The following LMO3 variants were observed in gnomAD, a reference collection of about 807,000 sequenced individuals.
LMO3 encodes LIM domain only 3.
LMO3 carries 2 observed loss-of-function variants against 15.8 expected under a neutral mutation model. The observed-to-expected ratio is 0.13, with a 90% CI of 0.05 to 0.40. LMO3 has a LOEUF of 0.40. LMO3 is among the 10% of genes least tolerant of loss of function. The probability of loss-of-function intolerance (pLI) is 0.99; values close to 1 mark genes in which losing one functional copy is unlikely to be tolerated. For missense variants in LMO3, 86 were observed against 182.2 expected (o/e 0.47, Z 3.04); for synonymous variants, 62 against 63.8 (o/e 0.97, Z 0.13).
chr12:16,594,415 A>G, intron 2 of LMO3: 1 of 567,786 alleles, frequency 1.8e-6, no homozygotes, highest in Non-Finnish European at 2.9e-6. Flanking sequence ...ATACCTAGCA[A>G]ATTGAACAGA....
chr12:16,561,625 C>CA (rs1491134853), intron 2 of LMO3, among the ~76,000 whole-genome samples: 1 of 152,194 alleles, frequency 6.6e-6, no homozygotes, highest in Non-Finnish European at 1.5e-5. Context: ...AAGGATTAGG[C>CA]ACAAATGTGC....
upstream of LMO3, among the ~76,000 whole-genome samples, chr12:16,609,558 G>A (rs574930043): frequency 1.1e-4 from 16 of 152,086 alleles, no homozygotes; most frequent in South Asian, 3.3e-3. Context: ...GACGTTTGAT[G>A]AGAGAATTTA....
intron 1 of LMO3, chr12:16,601,932 T>C (rs1943836322): frequency 6.6e-6 from 1 of 152,196 alleles, no homozygotes; most frequent in Non-Finnish European, 1.5e-5. Flanking sequence ...CAATGCCTCA[T>C]ATTTATCAAA....
At chr12:16,568,451 A>C (rs531802963) in intron 2 of LMO3, among the ~76,000 whole-genome samples, 102 of 152,270 alleles carry the variant, frequency 6.7e-4, no homozygotes, top group Admixed American at 2.3e-3. Flanking sequence ...CAAGCTAAGT[A>C]CCCATTCACT....
chr12:16,561,632 G>A (rs1390325718), intron 2 of LMO3, among the ~76,000 whole-genome samples: 1 of 152,206 alleles, frequency 6.6e-6, no homozygotes, highest in Non-Finnish European at 1.5e-5. Context: ...AGGCACAAAT[G>A]TGCTGAAGTC....
chr12:16,563,303 G>A (rs1018574473), intron 2 of LMO3, among the ~76,000 whole-genome samples: 1 of 152,050 alleles, frequency 6.6e-6, no homozygotes, highest in Admixed American at 6.6e-5. Flanking sequence ...CTACATTCGA[G>A]TTCTCTTTTT....
In LMO3 at chr12:16,598,447, A is replaced by C. The variant is rs1327403619; in HGVS notation, c.206+2208T>G. 6.6e-6 allele frequency: 1 copy of C among 152,128 alleles called. No individual in the cohort carries two copies. Among genetic ancestry groups the C allele is most frequent in the African/African-American group, 2.4e-5 (1 of 41,438 alleles). The allele number at this position is 152,128 out of a possible 1,614,324, so 9.4% of individuals were successfully genotyped here. ...ACAACTGGCCATTAATGTGGTAATG[A>C]CCAATTTAAGCGGAAATCGTACTCT... On this transcript the variant is annotated intron_variant, in intron 2 of 3. Coordinates refer to ENST00000537304, the MANE Select transcript of LMO3 (RefSeq NM_018640.5). This position sits in a 1 kb window ranked among gnomAD's most constrained non-coding sequence, Gnocchi z 4.3.
intron 3 of LMO3, among the ~76,000 whole-genome samples, chr12:16,556,430 C>T (rs1354085063): frequency 2.1e-5 from 3 of 143,728 alleles, no homozygotes; most frequent in African/African-American, 9.0e-5. Context: ...ATATAAGGGA[C>T]AATCAATCCT....
Position 16,600,766 on chromosome 12 carries a change from T to C in LMO3, c.95A>G (p.Tyr32Cys). 6.2e-7 allele frequency: 1 copy of C among 1,614,158 alleles called. No individual in the cohort carries two copies. The highest frequency in any genetic ancestry group is 1.1e-5 in the South Asian group (1 of 91,078). The stretch of plus-strand genomic sequence containing the variant: ...ACACTTCAGGCAGTCTTCATGCCAG[T>C]ATTTGTCCAGTGCCTTTAGAAGATA... ...DRYLLKALDKYWHEDCLKCAC... is the reference protein window; with the variant it reads ...DRYLLKALDKCWHEDCLKCAC... The change falls in exon 2 of 4, where the codon TAC becomes TGC. Residue 32 changes from tyrosine (Y) to cysteine (C), a missense_variant. Tyr to Cys is a radical substitution (Grantham distance 194). Coordinates refer to ENST00000537304, the MANE Select transcript of LMO3 (RefSeq NM_018640.5).
chr12:16,587,367 AC>A lies in LMO3; in HGVS notation c.206+13287del, dbSNP rs965208494. Among the ~76,000 whole-genome samples, 1 of 152,170 alleles carries A rather than the reference AC, an allele frequency of 6.6e-6. No homozygotes were observed. The highest frequency in any genetic ancestry group is 1.5e-5 in the Non-Finnish European group (1 of 68,022). Reference sequence around the variant, plus strand: ...TTAAAAATTCCAAAGCATTCTTAAAACGTTTCACTTAAACATTTCTGCAATA... The same window carrying A: ...TTAAAAATTCCAAAGCATTCTTAAAAGTTTCACTTAAACATTTCTGCAATA... On this transcript the variant is annotated intron_variant, in intron 2 of 3. Transcript: ENST00000537304. This position sits in a 1 kb window ranked among gnomAD's most constrained non-coding sequence, Gnocchi z 4.3.
Position 16,548,597 on chromosome 12 carries a change from A to G in LMO3, c.*2625T>C, listed in dbSNP as rs1941875292. ...TTCGCTGCTCAGAAATCAAAGCTCC[A>G]TCGGAGGTGTCCTACTGGAGGCATC... On this transcript the variant is annotated 3_prime_UTR_variant, in exon 4 of 4. Transcript: ENST00000537304. The surrounding 1 kb of genome is among the most constrained non-coding windows in gnomAD (Gnocchi z 4.2). 2.6e-5 allele frequency: 4 copies of G among 152,180 alleles called. No homozygotes were observed. The highest frequency in any genetic ancestry group is 2.6e-4 in the Admixed American group (4 of 15,272). The allele number at this position is 152,180 out of a possible 1,614,324, so 9.4% of individuals were successfully genotyped here.
intron 1 of LMO3, among the ~76,000 whole-genome samples, chr12:16,601,138 C>A (rs1943809764): frequency 6.6e-6 from 1 of 152,068 alleles, no homozygotes; most frequent in Non-Finnish European, 1.5e-5. Flanking sequence ...ATATGAAGTT[C>A]AATAACATTA....
intron 2 of LMO3, among the ~76,000 whole-genome samples, chr12:16,579,883 G>A (rs1195862296): frequency 6.6e-6 from 1 of 152,118 alleles, no homozygotes; most frequent in African/African-American, 2.4e-5. Context: ...ATTATCCATT[G>A]TTATTTATAC....
At chr12:16,557,649 G>T (rs750091431) in intron 3 of LMO3, among the ~76,000 whole-genome samples, 2 of 152,074 alleles carry the variant, frequency 1.3e-5, no homozygotes, top group Non-Finnish European at 2.9e-5. Flanking sequence ...GGAAAGTCAA[G>T]TTAGTGGACT....
At chr12:16,595,205 T>A (rs538631453) in intron 2 of LMO3, among the ~76,000 whole-genome samples, 7 of 151,264 alleles carry the variant, frequency 4.6e-5, no homozygotes, top group Non-Finnish European at 7.4e-5. Context: ...TTTTTAATAC[T>A]CTGGGGGGTC....
intron 2 of LMO3, among the ~76,000 whole-genome samples, chr12:16,588,912 G>A (rs1398247281): frequency 6.6e-6 from 1 of 151,858 alleles, no homozygotes; most frequent in African/African-American, 2.4e-5. Flanking sequence ...GACATTGGAG[G>A]AGTATCAGCC....
intron 2 of LMO3, among the ~76,000 whole-genome samples, chr12:16,578,748 G>A (rs921344958): frequency 6.6e-6 from 1 of 151,898 alleles, no homozygotes; most frequent in African/African-American, 2.4e-5. Context: ...AACCTGGGAG[G>A]CGGAGTTTGC....
chr12:16,604,832 G>C lies in LMO3; in HGVS notation c.-9+1234C>G. 6.3e-7 allele frequency: 1 copy of C among 1,597,652 alleles called. No individual in the cohort carries two copies. Among genetic ancestry groups the C allele is most frequent in the East Asian group, 2.2e-5 (1 of 44,860 alleles). The stretch of plus-strand genomic sequence containing the variant: ...GAGCGGCCAGGAGTGCAGAGCGCCA[G>C]CAAAGTGCATCTATGATAGACTGTA... On this transcript the variant is annotated intron_variant, in intron 1 of 3. Coordinates refer to ENST00000537304, the MANE Select transcript of LMO3 (RefSeq NM_018640.5). The surrounding 1 kb of genome is among the most constrained non-coding windows in gnomAD (Gnocchi z 5.3).
chr12:16,561,280 G>C (rs1014534829), intron 2 of LMO3, among the ~76,000 whole-genome samples: 4 of 152,088 alleles, frequency 2.6e-5, no homozygotes, highest in African/African-American at 9.7e-5. Context: ...ATTTCATAAC[G>C]TGAGGAAATA....
Sources: allele counts gnomAD v4.1 joint callset (sites outside exome capture counted in the v4.1 genomes callset), GRCh38; gene constraint gnomAD v4.1.1; non-coding constraint Gnocchi (gnomAD v3.1); transcripts MANE v1.5; gene names NCBI Gene and HGNC (gene_info 2026-07-23, HGNC 2026-07-21).